Variants in ASTN2 observed in about 807,000 individuals in gnomAD.
The protein encoded by ASTN2 is astrotactin 2, also known as astrotactin-2.
In ASTN2, 54 loss-of-function variants were observed where a neutral mutation model predicts 139.8. That is an observed-to-expected ratio of 0.39 (90% CI 0.31 to 0.48). ASTN2 has a LOEUF of 0.48. Among genes scored for constraint, ASTN2 ranks in the 20% least tolerant of loss-of-function variants. The pLI, the probability that ASTN2 is intolerant of heterozygous loss-of-function variation, is 0.95. For synonymous variants in ASTN2, 756 were observed against 719.5 expected (o/e 1.05, Z -0.81); for missense variants, 1,565 against 1,725.1 (o/e 0.91, Z 1.64).
At chr9:116,926,958 G>T (rs1834771369) in intron 10 of ASTN2, among the ~76,000 whole-genome samples, 1 of 152,136 alleles carries the variant, frequency 6.6e-6, no homozygotes, top group Non-Finnish European at 1.5e-5. Flanking sequence ...TGAAAACAAA[G>T]ATAAAAGCAA....
rs530660314 is a variant in ASTN2, at chr9:117,003,636, GA to G, written c.1591+4455del. ...CACACCTTGGATGACCCGCTGTTTAGAATTATGCCCTCAAGCCTGTGTCTAA... is the reference window on the plus strand; with the variant it reads ...CACACCTTGGATGACCCGCTGTTTAGATTATGCCCTCAAGCCTGTGTCTAA... On this transcript the variant is annotated intron_variant, in intron 7 of 22. Transcript: ENST00000313400. 4.1e-5 allele frequency among the ~76,000 whole-genome samples: 6 copies of G among 147,574 alleles called. No homozygotes were observed. In the South Asian group the frequency reaches 1.3e-3, roughly 32 times the overall value.
chr9:116,715,562 A>T (rs1448437594), intron 16 of ASTN2, among the ~76,000 whole-genome samples: 1 of 152,032 alleles, frequency 6.6e-6, no homozygotes, highest in South Asian at 2.1e-4. Context: ...CACCCTCAGT[A>T]GGTTAGGGGC....
In ASTN2 at chr9:117,087,730, C is replaced by A. The variant is rs190714748; in HGVS notation, c.1276+8314G>T. 1.7e-3 allele frequency among the ~76,000 whole-genome samples: 257 copies of A among 152,250 alleles called. 1 individual carries two copies. Among genetic ancestry groups the A allele is most frequent in the Middle Eastern group, 6.8e-3 (2 of 294 alleles). ...ACAAGCCCAAAGGAGAACAGAAGGA[C>A]AACTGCTACACTTATCCTCCTTTAC... is the stretch of plus-strand genomic sequence containing the variant. On this transcript the variant is annotated intron_variant, in intron 5 of 22. Coordinates refer to ENST00000313400, the MANE Select transcript of ASTN2 (RefSeq NM_001365068.1).
At chr9:117,157,737 C>T (rs1020658705) in intron 3 of ASTN2, among the ~76,000 whole-genome samples, 1 of 151,956 alleles carries the variant, frequency 6.6e-6, no homozygotes, top group Non-Finnish European at 1.5e-5. Context: ...GACTAGAGTT[C>T]AGTTTTCCTA....
chr9:117,047,480 C>T (rs557388223), intron 5 of ASTN2, among the ~76,000 whole-genome samples: 1 of 152,114 alleles, frequency 6.6e-6, no homozygotes, highest in South Asian at 2.1e-4. Context: ...TAGATTTGTC[C>T]TTAATAAGAT....
Position 116,452,681 on chromosome 9 carries a change from T to C in ASTN2, c.3498-10128A>G, listed in dbSNP as rs562432835. Among the ~76,000 whole-genome samples, 648 of 152,310 alleles carry C rather than the reference T, an allele frequency of 4.3e-3. 1 individual carries two copies. Among genetic ancestry groups the C allele is most frequent in the Non-Finnish European group, 7.6e-3 (519 of 68,012 alleles). On this transcript the variant is annotated intron_variant, in intron 20 of 22. Transcript: ENST00000313400. ...ATTGACTTTCCCAAGGCTACAGATA[T>C]AGTAGTAGTTTAGCCAGGCCCCAAC...
intron 21 of ASTN2, 89 bp downstream of exon 21, chr9:116,442,364 T>G: frequency 1.0e-6 from 1 of 980,716 alleles, no homozygotes; most frequent in Non-Finnish European, 1.7e-6. Flanking sequence ...AGGGTGTGCG[T>G]GTGTGTGTTT....
intron 3 of ASTN2, among the ~76,000 whole-genome samples, chr9:117,169,271 T>C (rs1295274733): frequency 6.6e-6 from 1 of 152,124 alleles, no homozygotes; most frequent in Admixed American, 6.6e-5. Context: ...AATGTAGCTA[T>C]TTGCTGTGGG....
intron 10 of ASTN2, among the ~76,000 whole-genome samples, chr9:116,887,372 G>A (rs986402764): frequency 6.6e-6 from 1 of 151,896 alleles, no homozygotes; most frequent in Admixed American, 6.6e-5. Context: ...AGCTGTTTAG[G>A]ATGGGAGGGG....
At chr9:116,790,892 A>G (rs767833306) in intron 13 of ASTN2, among the ~76,000 whole-genome samples, 1 of 150,216 alleles carries the variant, frequency 6.7e-6, no homozygotes, top group Non-Finnish European at 1.5e-5. Context: ...AAAGAAAGGA[A>G]AAAGAGGAAA....
At chr9:117,040,976 GA>G (rs953405520) in intron 5 of ASTN2, among the ~76,000 whole-genome samples, 1 of 152,186 alleles carries the variant, frequency 6.6e-6, no homozygotes, top group Non-Finnish European at 1.5e-5. Flanking sequence ...AGGCTAGGGG[GA>G]AAAGTCAAGC....
At chr9:117,155,496 C>CAG (rs539624776) in intron 3 of ASTN2, among the ~76,000 whole-genome samples, 27 of 146,476 alleles carry the variant, frequency 1.8e-4, no homozygotes, top group South Asian at 1.7e-3. Context: ...AAGAAAGAGA[C>CAG]AGAGAGAGAG....
intron 19 of ASTN2, among the ~76,000 whole-genome samples, chr9:116,579,938 C>T (rs1024945988): frequency 1.3e-5 from 2 of 152,112 alleles, no homozygotes; most frequent in African/African-American, 4.8e-5. Context: ...TCTCCTGCCT[C>T]GGCCTCCTGA....
chr9:117,008,538 C>T (rs1837425203), intron 6 of ASTN2, among the ~76,000 whole-genome samples: 1 of 152,102 alleles, frequency 6.6e-6, no homozygotes, highest in African/African-American at 2.4e-5. Flanking sequence ...TAGGCATTGA[C>T]TTTGGGCAAG....
rs1855809951 is a variant in ASTN2 at position 116,615,678 on chromosome 9, G to C, written c.3355+2646C>G. ...CTCATAGGTGGGAATTGAACAATGA[G>C]AACACTTGGACATAGGGTGGGGAAC... On this transcript the variant is annotated intron_variant, in intron 19 of 22. Transcript: ENST00000313400. Among the ~76,000 whole-genome samples the C allele has an allele frequency of 2.0e-5, 3 of 148,066 alleles. No individual in the cohort carries two copies. The South Asian group carries it at 6.6e-4, about 32-fold the overall frequency.
chr9:116,959,564 G>A (rs772712481), intron 10 of ASTN2, among the ~76,000 whole-genome samples: 4 of 152,138 alleles, frequency 2.6e-5, no homozygotes, highest in African/African-American at 4.8e-5. Context: ...AACATCTAAG[G>A]AGCCTGTTTG....
At chr9:116,924,270 A>T (rs1343146975) in intron 10 of ASTN2, among the ~76,000 whole-genome samples, 6 of 151,354 alleles carry the variant, frequency 4.0e-5, no homozygotes, top group African/African-American at 9.7e-5. Context: ...AAAAAAAAAA[A>T]AAAAAAAAAC....
intron 13 of ASTN2, among the ~76,000 whole-genome samples, chr9:116,740,455 GGAT>G (rs1159217082): frequency 6.6e-6 from 1 of 152,018 alleles, no homozygotes; most frequent in Admixed American, 6.6e-5. Flanking sequence ...TGTAACATGG[GGAT>G]AATGAGTTCA....
At chr9:116,451,804 A>C (rs1271622494) in intron 20 of ASTN2, among the ~76,000 whole-genome samples, 2 of 143,998 alleles carry the variant, frequency 1.4e-5, no homozygotes, top group Non-Finnish European at 3.0e-5. Flanking sequence ...AAGACAGTGG[A>C]TTTAAATATA....
Sources: allele counts gnomAD v4.1 joint callset (sites outside exome capture counted in the v4.1 genomes callset), GRCh38; gene constraint gnomAD v4.1.1; transcripts MANE v1.5; gene names NCBI Gene and HGNC (gene_info 2026-07-23, HGNC 2026-07-21).